Variants in PDZD2 observed in about 807,000 individuals in gnomAD.
The protein encoded by PDZD2 is PDZ domain containing 2, also known as PDZ domain-containing protein 2.
In PDZD2, 90 loss-of-function variants were observed where a neutral mutation model predicts 220.7. That is an observed-to-expected ratio of 0.41 (90% CI 0.34 to 0.49). The LOEUF is 0.49. PDZD2 is among the 20% of genes least tolerant of loss of function. The pLI is 0.28. For missense variants in PDZD2, 3,174 were observed against 3,608.5 expected, an observed-to-expected ratio of 0.88 and a Z score of 3.08; for synonymous variants, 1,375 against 1,450.5, an observed-to-expected ratio of 0.95 and a Z score of 1.18.
chr5:31,707,213 T>G, intron 1 of PDZD2, among the ~76,000 whole-genome samples: 1 of 150,726 alleles, frequency 6.6e-6, no homozygotes, highest in South Asian at 2.1e-4. Flanking sequence ...AATGACGAGT[T>G]AATGGGTGCA....
rs1743886991 is a variant in PDZD2, at chr5:32,098,018, T to A, written c.7948-346T>A. Reference sequence around the variant, plus strand: ...CCTGTAATCCCAGCACTTTGGGAGGTCGAGGCGGGTGGATCACCTGAGGTC... The same window carrying A: ...CCTGTAATCCCAGCACTTTGGGAGGACGAGGCGGGTGGATCACCTGAGGTC... On this transcript the variant is annotated intron_variant, in intron 22 of 24. Coordinates refer to ENST00000438447, the MANE Select transcript of PDZD2 (RefSeq NM_178140.4). The surrounding 1 kb of genome is among the most constrained non-coding windows in gnomAD (Gnocchi z 4.1). Among the ~76,000 whole-genome samples the A allele has an allele frequency of 2.0e-5, 3 of 151,542 alleles. No individual in the cohort carries two copies. Among genetic ancestry groups the A allele is most frequent in the Admixed American group, 2.0e-4 (3 of 15,206 alleles).
At chr5:31,675,234 G>A (rs182872702) in intron 1 of PDZD2, among the ~76,000 whole-genome samples, 54 of 152,298 alleles carry the variant, frequency 3.5e-4, no homozygotes, top group Non-Finnish European at 5.4e-4. Flanking sequence ...AGCTCTTTGC[G>A]TCAGTGTTGG....
At chr5:31,902,418 C>T (rs1034523145) in intron 2 of PDZD2, among the ~76,000 whole-genome samples, 2 of 151,170 alleles carry the variant, frequency 1.3e-5, no homozygotes, top group Admixed American at 6.6e-5. Context: ...AGATCTTTAG[C>T]CTGTTACTCA....
intron 2 of PDZD2, among the ~76,000 whole-genome samples, chr5:31,868,619 C>T (rs143592013): frequency 6.8e-4 from 103 of 152,184 alleles, no homozygotes; most frequent in Middle Eastern, 3.4e-3. Flanking sequence ...CTATGCCGAC[C>T]GTGGATGCCC....
chr5:31,707,719 T>C (rs1347340143), intron 1 of PDZD2, among the ~76,000 whole-genome samples: 1 of 152,148 alleles, frequency 6.6e-6, no homozygotes, highest in Non-Finnish European at 1.5e-5. Context: ...CATCAACTCC[T>C]GTGTTCAAGT....
At chr5:32,025,591 C>CCTTTTTTTTTTTT (rs1754583417) in intron 6 of PDZD2, among the ~76,000 whole-genome samples, 1 of 67,508 alleles carries the variant, frequency 1.5e-5, no homozygotes, top group Non-Finnish European at 2.6e-5. Flanking sequence ...AACCATGATG[C>CCTTTTTTTTTTTT]TTTTTTTTTT....
chr5:31,984,096 A>G (rs1750522981), intron 3 of PDZD2, among the ~76,000 whole-genome samples: 1 of 152,226 alleles, frequency 6.6e-6, no homozygotes, highest in African/African-American at 2.4e-5. Flanking sequence ...AAGCCTCAGT[A>G]TTACACAGGA....
At chr5:31,847,095 A>G (rs1338009900) in intron 2 of PDZD2, among the ~76,000 whole-genome samples, 2 of 152,202 alleles carry the variant, frequency 1.3e-5, no homozygotes, top group Non-Finnish European at 2.9e-5. Context: ...GTCTTGATCT[A>G]AAAGTAGTTG....
intron 1 of PDZD2, among the ~76,000 whole-genome samples, chr5:31,696,095 C>T (rs1478078455): frequency 1.3e-5 from 2 of 152,072 alleles, no homozygotes; most frequent in African/African-American, 4.8e-5. Flanking sequence ...ACTATTACTC[C>T]TTAAGATTTC....
chr5:31,964,776 C>T (rs1429594666), intron 2 of PDZD2, among the ~76,000 whole-genome samples: 1 of 152,172 alleles, frequency 6.6e-6, no homozygotes, highest in Admixed American at 6.5e-5. Flanking sequence ...AGGGCAGCGG[C>T]GCGATCTCGG....
intron 1 of PDZD2, among the ~76,000 whole-genome samples, chr5:31,676,568 CTT>C (rs778418372): frequency 2.0e-4 from 27 of 136,338 alleles, no homozygotes; most frequent in Non-Finnish European, 2.2e-4. Flanking sequence ...TTTGCTTTCT[CTT>C]TTTTTTTTTT....
intron 2 of PDZD2, among the ~76,000 whole-genome samples, chr5:31,895,663 A>G (rs1028156067): frequency 6.6e-6 from 1 of 152,216 alleles, no homozygotes. Flanking sequence ...AATTCTGCCC[A>G]GAGCCTTACA....
In PDZD2 at chr5:31,688,898, G is replaced by A. The variant is rs986036947; in HGVS notation, c.-361+49461G>A. On this transcript the variant is annotated intron_variant, in intron 1 of 24. Transcript: ENST00000438447. Reference sequence around the variant, plus strand: ...GTTTCCTTTCCAGGCTCCCCTGGGGGTAATTAGCATTTCCCAAGCAGCAGC... The same window carrying A: ...GTTTCCTTTCCAGGCTCCCCTGGGGATAATTAGCATTTCCCAAGCAGCAGC... Among the ~76,000 whole-genome samples the A allele has an allele frequency of 5.9e-5, 9 of 152,262 alleles. No individual in the cohort carries two copies. The East Asian group carries it at 7.7e-4, about 13-fold the overall frequency.
chr5:32,069,007 C>T (rs1222720651), intron 14 of PDZD2, among the ~76,000 whole-genome samples: 1 of 152,120 alleles, frequency 6.6e-6, no homozygotes, highest in African/African-American at 2.4e-5. Context: ...GTGGCTCACA[C>T]CTGTAATCCC....
At chr5:31,913,615 G>A (rs925196140) in intron 2 of PDZD2, among the ~76,000 whole-genome samples, 1 of 152,174 alleles carries the variant, frequency 6.6e-6, no homozygotes, top group East Asian at 1.9e-4. Flanking sequence ...GTTCGTCATG[G>A]CTCTTGCTGC....
chr5:31,849,916 A>G (rs1239177589), intron 2 of PDZD2, among the ~76,000 whole-genome samples: 2 of 23,434 alleles, frequency 8.5e-5, no homozygotes, highest in Non-Finnish European at 1.5e-4. Context: ...ATATATATAT[A>G]TACATATATA....
At chr5:32,033,277 A>G (rs965092743) in intron 6 of PDZD2, among the ~76,000 whole-genome samples, 4 of 152,218 alleles carry the variant, frequency 2.6e-5, no homozygotes, top group Non-Finnish European at 1.5e-5. Context: ...GAGTGTGGAC[A>G]TTTTCAGACA....
intron 1 of PDZD2, among the ~76,000 whole-genome samples, chr5:31,749,689 T>C (rs982765118): frequency 6.6e-6 from 1 of 152,206 alleles, no homozygotes; most frequent in African/African-American, 2.4e-5. Context: ...CCCAAAGTGC[T>C]GGGATTACAG....
Position 32,016,620 on chromosome 5 carries a change from A to G in PDZD2, c.1407+6138A>G, listed in dbSNP as rs139286281. Among the ~76,000 whole-genome samples the G allele has an allele frequency of 1.9e-3, 287 of 152,242 alleles. 4 individuals are homozygous for G. The East Asian group carries it at 0.019, about 10-fold the overall frequency. On this transcript the variant is annotated intron_variant, in intron 6 of 24. Transcript: ENST00000438447. ...GAGGGTTACCACTTAGGCTGCTTCT[A>G]TGGGCAGTGTGGGCTGAGCTCACAG...
Sources: allele counts gnomAD v4.1 joint callset (sites outside exome capture counted in the v4.1 genomes callset), GRCh38; gene constraint gnomAD v4.1.1; non-coding constraint Gnocchi (gnomAD v3.1); transcripts MANE v1.5; gene names NCBI Gene and HGNC (gene_info 2026-07-23, HGNC 2026-07-21).